BRAF: variants seen among roughly 807,000 people sequenced by gnomAD.
BRAF encodes the protein serine/threonine-protein kinase B-raf.
In BRAF, 16 loss-of-function variants were observed where a neutral mutation model predicts 104.6. That is an observed-to-expected ratio of 0.15 (90% CI 0.10 to 0.23). The LOEUF (loss-of-function observed/expected upper bound fraction) is 0.23. Among genes scored for constraint, BRAF ranks in the 10% least tolerant of loss-of-function variants. The pLI is 1.00. For missense variants in BRAF, 541 were observed against 937.3 expected (o/e 0.58, Z 5.52); for synonymous variants, 310 against 341.6 (o/e 0.91, Z 1.02).
intron 3 of BRAF, among the ~76,000 whole-genome samples, chr7:140,832,905 G>A (rs996172468): frequency 7.7e-5 from 11 of 142,486 alleles, no homozygotes; most frequent in South Asian, 2.2e-4. Context: ...ATGGAGTCTC[G>A]CTCTGTTGCC....
chr7:140,810,690 C>T (rs1327043550), intron 3 of BRAF, among the ~76,000 whole-genome samples: 1 of 152,168 alleles, frequency 6.6e-6, no homozygotes, highest in East Asian at 1.9e-4. Flanking sequence ...ATCCTCATTA[C>T]TTGTGGAGTC....
chr7:140,916,928 G>A (rs1191789814), intron 1 of BRAF, among the ~76,000 whole-genome samples: 2 of 152,098 alleles, frequency 1.3e-5, no homozygotes, highest in African/African-American at 4.8e-5. Context: ...AGGTAGTGGG[G>A]TATTAGCCTA....
intron 18 of BRAF, among the ~76,000 whole-genome samples, chr7:140,739,387 TTAGATAA>T (rs1374864422): frequency 1.3e-5 from 2 of 152,250 alleles, no homozygotes; most frequent in Non-Finnish European, 2.9e-5. Context: ...TTTTTTTCTC[TTAGATAA>T]TAGAACTGTT....
chr7:140,798,733 TC>T (rs1347158887), intron 7 of BRAF, among the ~76,000 whole-genome samples: 14 of 151,970 alleles, frequency 9.2e-5, no homozygotes, highest in Admixed American at 9.2e-4. Context: ...GGCAGGAAGA[TC>T]ACCTGAGGCC....
At chr7:140,909,389 C>T (rs1816712411) in intron 1 of BRAF, among the ~76,000 whole-genome samples, 1 of 151,962 alleles carries the variant, frequency 6.6e-6, no homozygotes, top group Non-Finnish European at 1.5e-5. Context: ...TTGTACTCCA[C>T]CCTGGGCAAT....
Position 140,871,433 on chromosome 7 carries a change from T to C in BRAF, c.139-21221A>G, listed in dbSNP as rs577895825. On this transcript the variant is annotated intron_variant, in intron 1 of 19. Coordinates refer to ENST00000644969, the MANE Select transcript of BRAF (RefSeq NM_001374258.1). The stretch of plus-strand genomic sequence containing the variant: ...CACACATACACATATTGAGAAGAAG[T>C]ACCCATATTCTCTAAAGCAAGGACT... 6.6e-5 allele frequency among the ~76,000 whole-genome samples: 10 copies of C among 152,160 alleles called. No homozygotes were observed. The South Asian group carries it at 1.7e-3, about 25-fold the overall frequency.
At chr7:140,892,647 T>C (rs778699988) in intron 1 of BRAF, among the ~76,000 whole-genome samples, 4 of 152,216 alleles carry the variant, frequency 2.6e-5, no homozygotes, top group African/African-American at 4.8e-5. Context: ...GGATGGCTGA[T>C]AGACGTGGGC....
chr7:140,885,428 T>TA (rs1813455464), intron 1 of BRAF, among the ~76,000 whole-genome samples: 2 of 152,178 alleles, frequency 1.3e-5, no homozygotes, highest in Non-Finnish European at 2.9e-5. Context: ...ATCCTATAAC[T>TA]ACTACATACT....
At chr7:140,846,406 C>A (rs1484812938) in intron 2 of BRAF, among the ~76,000 whole-genome samples, 1 of 152,032 alleles carries the variant, frequency 6.6e-6, no homozygotes, top group Admixed American at 6.5e-5. Flanking sequence ...ATGAAATAAG[C>A]CAGTCACAAA....
chr7:140,784,289 T>C (rs1801147563), intron 10 of BRAF, among the ~76,000 whole-genome samples: 1 of 152,224 alleles, frequency 6.6e-6, no homozygotes, highest in South Asian at 2.1e-4. Flanking sequence ...AGAATTTTCA[T>C]TATCTCATAT....
At chr7:140,882,731 G>A (rs1046958998) in intron 1 of BRAF, among the ~76,000 whole-genome samples, 14 of 150,116 alleles carry the variant, frequency 9.3e-5, no homozygotes, top group Non-Finnish European at 1.0e-4. Context: ...GGTGACTCAC[G>A]CTTGTAATGC....
intron 3 of BRAF, among the ~76,000 whole-genome samples, chr7:140,810,713 C>G (rs180747050): frequency 2.6e-4 from 40 of 152,280 alleles, no homozygotes; most frequent in African/African-American, 9.1e-4. Flanking sequence ...TACTTGAAAT[C>G]TCTCTACTTG....
intron 9 of BRAF, among the ~76,000 whole-genome samples, chr7:140,786,913 A>G (rs1237354440): frequency 6.6e-6 from 1 of 152,258 alleles, no homozygotes; most frequent in Non-Finnish European, 1.5e-5. Context: ...TTGGTAAGAT[A>G]TTTTAAAACT....
chr7:140,751,962 A>C (rs1797826046), intron 16 of BRAF, among the ~76,000 whole-genome samples: 1 of 152,148 alleles, frequency 6.6e-6, no homozygotes, highest in Non-Finnish European at 1.5e-5. Flanking sequence ...TGTTTTTCAA[A>C]CTTTTTGGTC....
At chr7:140,896,271 G>A (rs1814885487) in intron 1 of BRAF, among the ~76,000 whole-genome samples, 1 of 152,016 alleles carries the variant, frequency 6.6e-6, no homozygotes, top group Admixed American at 6.6e-5. Context: ...GGTGAGAGGT[G>A]GGGGTCTAGT....
At chr7:140,834,300 T>G (rs949670215) in intron 3 of BRAF, 29 of 515,330 alleles carry the variant, frequency 5.6e-5, no homozygotes, top group Non-Finnish European at 8.6e-5. Context: ...CTGACACACA[T>G]TAGATAATGA....
chr7:140,818,489 T>C (rs1376574898), intron 3 of BRAF, among the ~76,000 whole-genome samples: 1 of 152,084 alleles, frequency 6.6e-6, no homozygotes, highest in Non-Finnish European at 1.5e-5. Flanking sequence ...ATTTTTATAC[T>C]TTTAATAGAA....
intron 14 of BRAF, among the ~76,000 whole-genome samples, chr7:140,754,635 TC>T (rs1158391343): frequency 6.6e-6 from 1 of 152,190 alleles, no homozygotes; most frequent in African/African-American, 2.4e-5. Context: ...CCTATTCATA[TC>T]CATCCTTTAA....
chr7:140,872,015 G>A (rs1248450240), intron 1 of BRAF, among the ~76,000 whole-genome samples: 8 of 152,156 alleles, frequency 5.3e-5, no homozygotes, highest in African/African-American at 9.6e-5. Flanking sequence ...TCAGGAGTTC[G>A]AGACTAGCCT....
Sources: allele counts gnomAD v4.1 joint callset (sites outside exome capture counted in the v4.1 genomes callset), GRCh38; gene constraint gnomAD v4.1.1; transcripts MANE v1.5; gene names NCBI Gene and HGNC (gene_info 2026-07-23, HGNC 2026-07-21).